GIT2: variants seen among roughly 807,000 people sequenced by gnomAD.
The protein encoded by GIT2 is GIT ArfGAP 2, also known as ARF GTPase-activating protein GIT2.
A neutral mutation model predicts 100.3 loss-of-function variants in GIT2; 32 were observed. The observed-to-expected ratio is 0.32, with a 90% CI of 0.24 to 0.43. GIT2 has a LOEUF of 0.43. Ranked by LOEUF, GIT2 falls within the 20% of genes least tolerant of loss-of-function variation. The probability of loss-of-function intolerance (pLI) is 1.00; values close to 1 mark genes in which losing one functional copy is unlikely to be tolerated. For missense variants in GIT2, 737 were observed against 975.1 expected (o/e 0.76, Z 3.25); for synonymous variants, 353 against 364.1 (o/e 0.97, Z 0.35).
At chr12:109,983,292 T>C in intron 6 of GIT2, 81 bp downstream of exon 6, 1 of 1,245,736 alleles carries the variant, frequency 8.0e-7, no homozygotes, top group Non-Finnish European at 1.2e-6. Flanking sequence ...AATATCAACA[T>C]ATACAACTTA....
chr12:109,991,476 T>C, intron 2 of GIT2, 151 bp downstream of exon 2: 1 of 635,334 alleles, frequency 1.6e-6, no homozygotes, highest in Admixed American at 2.9e-5. Context: ...CAGATAATAT[T>C]TGTAAATAGC....
chr12:109,966,659 A>AAAAC (rs1565979904), intron 8 of GIT2, among the ~76,000 whole-genome samples: 1 of 152,104 alleles, frequency 6.6e-6, no homozygotes, highest in Non-Finnish European at 1.5e-5. Context: ...CAAAGCAAAA[A>AAAAC]AAAACAAAAC....
At chr12:109,960,733 T>C (rs1880854430) in intron 11 of GIT2, among the ~76,000 whole-genome samples, 1 of 152,256 alleles carries the variant, frequency 6.6e-6, no homozygotes, top group South Asian at 2.1e-4. Context: ...AATGCTCTAT[T>C]GTATACAATG....
At chr12:109,946,000 A>C (rs1876239685) in intron 15 of GIT2, among the ~76,000 whole-genome samples, 1 of 151,998 alleles carries the variant, frequency 6.6e-6, no homozygotes, top group Non-Finnish European at 1.5e-5. Context: ...CAGGCACAGG[A>C]CCATGTGCCT....
intron 7 of GIT2, among the ~76,000 whole-genome samples, chr12:109,969,114 GCTGGTCTTTT>G (rs1883217258): frequency 6.7e-6 from 1 of 148,598 alleles, no homozygotes; most frequent in South Asian, 2.1e-4. Flanking sequence ...CCAGTCTGTT[GCTGGTCTTTT>G]CACTTTCTTA....
At chr12:109,942,114 C>T (rs1874927066) in intron 16 of GIT2, among the ~76,000 whole-genome samples, 1 of 152,134 alleles carries the variant, frequency 6.6e-6, no homozygotes, top group African/African-American at 2.4e-5. Flanking sequence ...TGTTAGCCAC[C>T]ACACCTGGCC....
intron 9 of GIT2, 141 bp downstream of exon 9, chr12:109,965,385 C>A: frequency 1.6e-6 from 1 of 606,984 alleles, no homozygotes; most frequent in Non-Finnish European, 3.0e-6. Flanking sequence ...CTGCTGTATA[C>A]TCAACAGTCT....
intron 4 of GIT2, 90 bp downstream of exon 4, chr12:109,988,872 GC>G: frequency 3.0e-6 from 1 of 333,772 alleles, no homozygotes; most frequent in Non-Finnish European, 5.1e-6. Flanking sequence ...AAAAAAAAAA[GC>G]CCACAACCAG....
chr12:109,977,296 A>G (rs922602624), intron 7 of GIT2, among the ~76,000 whole-genome samples: 1 of 152,060 alleles, frequency 6.6e-6, no homozygotes, highest in African/African-American at 2.4e-5. Context: ...GGATTACTTG[A>G]GCTCAGGAAT....
intron 18 of GIT2, among the ~76,000 whole-genome samples, chr12:109,935,642 C>T (rs892375501): frequency 1.3e-5 from 2 of 152,234 alleles, no homozygotes; most frequent in East Asian, 1.9e-4. Flanking sequence ...CTGATCCACC[C>T]GCCTTGGCCT....
At chr12:109,997,247 C>T (rs1015916227), upstream of GIT2, among the ~76,000 whole-genome samples, 6 of 147,082 alleles carry the variant, frequency 4.1e-5, no homozygotes, top group African/African-American at 7.6e-5. Flanking sequence ...GGCGTGGTGG[C>T]GCATGCCTGT....
intron 12 of GIT2, among the ~76,000 whole-genome samples, chr12:109,957,683 T>C (rs1879875749): frequency 6.6e-6 from 1 of 151,558 alleles, no homozygotes; most frequent in South Asian, 2.1e-4. Flanking sequence ...ATTTTTTATA[T>C]TTTTAGTAGA....
chr12:109,938,178 GA>G (rs1003039614), intron 18 of GIT2, among the ~76,000 whole-genome samples: 2 of 151,532 alleles, frequency 1.3e-5, no homozygotes, highest in Non-Finnish European at 2.9e-5. Flanking sequence ...GTAACAAGAT[GA>G]AAAAAAAGAA....
chr12:109,947,140 A>T lies in GIT2; in HGVS notation c.1641+116T>A, dbSNP rs1876563687. 7.7e-6 allele frequency: 7 copies of T among 909,026 alleles called. No individual in the cohort carries two copies. The highest frequency in any genetic ancestry group is 1.2e-5 in the Non-Finnish European group (7 of 581,042). The allele number at this position is 909,026 out of a possible 1,614,324, so 56.3% of individuals were successfully genotyped here. The stretch of plus-strand genomic sequence containing the variant: ...TGTTAATACAGCAAACACAATGGTA[A>T]CTCTCTTAGTCCAATTTGGCAAAGC... On this transcript the variant is annotated intron_variant, in intron 15 of 19. Transcript: ENST00000355312. This position sits in a 1 kb window ranked among gnomAD's most constrained non-coding sequence, Gnocchi z 4.3.
chr12:109,966,750 T>G (rs1289638693), intron 8 of GIT2, among the ~76,000 whole-genome samples: 1 of 152,120 alleles, frequency 6.6e-6, no homozygotes, highest in African/African-American at 2.4e-5. Flanking sequence ...TTTCATAAAC[T>G]CTTGACAGTT....
chr12:109,986,622 G>C lies in GIT2; in HGVS notation c.405+2341C>G, dbSNP rs577631158. 3.9e-5 allele frequency among the ~76,000 whole-genome samples: 6 copies of C among 152,290 alleles called. No individual in the cohort carries two copies. The South Asian group carries it at 1.2e-3, about 32-fold the overall frequency. The stretch of plus-strand genomic sequence containing the variant: ...TACTAAAAATACAAAAAAATTAGCC[G>C]GGTGTGGTGGCGGACGCCTGTAGTC... On this transcript the variant is annotated intron_variant, in intron 4 of 19. Transcript: ENST00000355312.
At chr12:109,939,805 G>C (rs574489387) in intron 16 of GIT2, 18 of 152,352 alleles carry the variant, frequency 1.2e-4, no homozygotes, top group African/African-American at 4.1e-4. Flanking sequence ...GAGCCCAGGA[G>C]TTCAAGGTTG....
intron 16 of GIT2, among the ~76,000 whole-genome samples, chr12:109,942,314 T>C (rs1369378275): frequency 6.6e-6 from 1 of 152,158 alleles, no homozygotes; most frequent in Non-Finnish European, 1.5e-5. Context: ...ATTCTACATT[T>C]TTATAATGAA....
At chr12:109,958,106 G>C (rs981479107) in intron 12 of GIT2, among the ~76,000 whole-genome samples, 3 of 146,328 alleles carry the variant, frequency 2.1e-5, no homozygotes, top group African/African-American at 7.9e-5. Context: ...CACCATGCCT[G>C]GCTAATTTTT....
Sources: gnomAD v4.1 joint callset for allele counts (sites outside exome capture counted in the v4.1 genomes callset) on GRCh38, gnomAD v4.1.1 for gene constraint, Gnocchi (gnomAD v3.1) non-coding constraint, MANE v1.5 for transcripts, NCBI Gene and HGNC (gene_info 2026-07-23, HGNC 2026-07-21) for gene names.